PDE9A: variants seen among roughly 807,000 people sequenced by gnomAD.
The protein encoded by PDE9A is phosphodiesterase 9A, also known as high affinity cGMP-specific 3',5'-cyclic phosphodiesterase 9A.
PDE9A carries 60 observed loss-of-function variants against 87.4 expected under a neutral mutation model. That is an observed-to-expected ratio of 0.69 (90% CI 0.56 to 0.85). The LOEUF (loss-of-function observed/expected upper bound fraction) is 0.85. Among genes scored for constraint, PDE9A ranks in the 40% least tolerant of loss-of-function variants. PDE9A has a pLI of 0.00. For missense variants in PDE9A, 665 were observed against 779.0 expected (o/e 0.85, Z 1.74); for synonymous variants, 272 against 279.4 (o/e 0.97, Z 0.27).
chr21:42,665,411 C>T lies in PDE9A; in HGVS notation c.69+11528C>T, dbSNP rs530795392. On this transcript the variant is annotated intron_variant, in intron 1 of 19. Transcript: ENST00000291539. ...AGGGACTGGTTGGCTCTTAGAAGAC[C>T]GTTCAACCTGCCCTCTGGTCCTCCT... 2.6e-5 allele frequency among the ~76,000 whole-genome samples: 4 copies of T among 152,244 alleles called. No homozygotes were observed. The East Asian group carries it at 7.7e-4, about 29-fold the overall frequency.
At chr21:42,743,004 T>A (rs993420251) in intron 7 of PDE9A, among the ~76,000 whole-genome samples, 2 of 152,210 alleles carry the variant, frequency 1.3e-5, no homozygotes, top group Admixed American at 6.5e-5. Flanking sequence ...AAGAAGCAGG[T>A]CTGCTTTGGG....
chr21:42,754,447 G>A (rs1219976435), intron 10 of PDE9A, among the ~76,000 whole-genome samples: 1 of 152,222 alleles, frequency 6.6e-6, no homozygotes, highest in Non-Finnish European at 1.5e-5. Flanking sequence ...TCAAGGAAGG[G>A]GCTGCGGTCA....
chr21:42,748,610 G>A (rs561197111), intron 8 of PDE9A, among the ~76,000 whole-genome samples: 3 of 152,216 alleles, frequency 2.0e-5, no homozygotes, highest in Non-Finnish European at 4.4e-5. Flanking sequence ...GGTGCACACC[G>A]ATCATGACAA....
Position 42,689,558 on chromosome 21 carries a change from A to G in PDE9A, c.218+1564A>G, listed in dbSNP as rs1004482104. ...CAGAAACCAGCACCTTGTCCATGCC[A>G]GCTGGGTATCTGAGAGAAACTGCTT... is the stretch of plus-strand genomic sequence containing the variant. On this transcript the variant is annotated intron_variant, in intron 3 of 19. Transcript: ENST00000291539. 8 of 985,380 alleles carry G rather than the reference A, an allele frequency of 8.1e-6. No homozygotes were observed. The African/African-American group carries it at 1.4e-4, about 17-fold the overall frequency. 61.0% of individuals were successfully genotyped at this position (985,380 alleles called of 1,614,324 possible). A position where few individuals can be genotyped will look rare whatever the true frequency, so the allele number is the denominator to read the frequency against.
chr21:42,701,522 G>A (rs1380605006), intron 4 of PDE9A, among the ~76,000 whole-genome samples: 2 of 151,014 alleles, frequency 1.3e-5, no homozygotes, highest in African/African-American at 4.9e-5. Flanking sequence ...CGACAGCCTT[G>A]ACCTCCTAGG....
intron 1 of PDE9A, among the ~76,000 whole-genome samples, chr21:42,665,885 G>A (rs985632540): frequency 1.5e-4 from 23 of 152,180 alleles, no homozygotes; most frequent in African/African-American, 4.8e-4. Flanking sequence ...TGGCTCCACC[G>A]TCTATCCCTC....
rs566690952 is a variant in PDE9A, at chr21:42,750,523, G to C, written c.654-593G>C. Among the ~76,000 whole-genome samples the C allele has an allele frequency of 4.0e-4, 10 of 24,732 alleles. No individual in the cohort carries two copies. In the East Asian group the frequency reaches 0.032, roughly 78 times the overall value. 16.2% of individuals were successfully genotyped at this position (24,732 alleles called of 152,430 possible). A position where few individuals can be genotyped will look rare whatever the true frequency, so the allele number is the denominator to read the frequency against. ...AGATTTTTTAGAATGTTTTTCTTTT[G>C]AAAACAGCTTCTAAAAGAGAAGATA... is the stretch of plus-strand genomic sequence containing the variant. On this transcript the variant is annotated intron_variant, in intron 8 of 19. Coordinates refer to ENST00000291539, the MANE Select transcript of PDE9A (RefSeq NM_002606.3).
chr21:42,689,408 A>T, intron 3 of PDE9A: 1 of 355,702 alleles, frequency 2.8e-6, no homozygotes, highest in Non-Finnish European at 3.9e-6. Context: ...CAGAGACTCC[A>T]GTAAGCATCT....
intron 1 of PDE9A, among the ~76,000 whole-genome samples, chr21:42,655,786 A>AG (rs1405857749): frequency 6.6e-6 from 1 of 152,192 alleles, no homozygotes; most frequent in Admixed American, 6.5e-5. Flanking sequence ...TGGTGCAAAC[A>AG]GGGAGGCGCC....
intron 10 of PDE9A, 55 bp downstream of exon 10, chr21:42,754,119 G>A: frequency 6.7e-6 from 7 of 1,042,052 alleles, no homozygotes; most frequent in Non-Finnish European, 1.0e-5. Flanking sequence ...TCAGGATCTT[G>A]GACGCCAGTG....
chr21:42,762,346 T>G, intron 14 of PDE9A, 107 bp downstream of exon 14: 1 of 1,207,788 alleles, frequency 8.3e-7, no homozygotes, highest in Non-Finnish European at 1.2e-6. Context: ...GCCACAGCAG[T>G]GCCCTGGGGA....
chr21:42,670,733 CCA>C (rs1401140930), intron 1 of PDE9A, among the ~76,000 whole-genome samples: 1 of 147,674 alleles, frequency 6.8e-6, no homozygotes, highest in Admixed American at 6.7e-5. Context: ...TCACATACAC[CCA>C]CATTCACACA....
intron 10 of PDE9A, chr21:42,758,706 T>C (rs13052383): frequency 0.042 from 15,699 of 370,268 alleles, 481 homozygotes; most frequent in Middle Eastern, 0.077. Context: ...GTCCTAAGAA[T>C]TCTCCTTGAC....
In PDE9A at chr21:42,751,130, G is replaced by A. The variant is rs964555784; in HGVS notation, c.668G>A (p.Cys223Tyr). 1.9e-6 allele frequency: 3 copies of A among 1,609,516 alleles called. No homozygotes were observed. Among genetic ancestry groups the A allele is most frequent in the Admixed American group, 3.3e-5 (2 of 59,994 alleles). ...AARSSRTNCPCKYSFLDNHKK... is the reference protein window; with the variant it reads ...AARSSRTNCPYKYSFLDNHKK... ...CTTCTCTCTAGGACCAACTGCCCCT[G>A]TAAGTACAGTTTTTTGGATAACCAC... is the stretch of plus-strand genomic sequence containing the variant. The change falls in exon 9 of 20, where the codon TGT (cysteine) becomes TAT (tyrosine). Residue 223 changes from cysteine to tyrosine, a missense_variant. Transcript: ENST00000291539.
Position 42,765,351 on chromosome 21 carries a change from G to C in PDE9A, c.1243-30G>C, listed in dbSNP as rs202133464. Reference sequence around the variant, plus strand: ...CTGAATAATTGTTCAGACTATACCCGTGTTAACACGTTGTTCTCTCGCTAT... The same window carrying C: ...CTGAATAATTGTTCAGACTATACCCCTGTTAACACGTTGTTCTCTCGCTAT... On this transcript the variant is annotated intron_variant, in intron 14 of 19. Transcript: ENST00000291539. 6.1e-4 allele frequency: 797 copies of C among 1,298,282 alleles called. 1 individual carries two copies. The highest frequency in any genetic ancestry group is 1.0e-3 in the South Asian group (83 of 81,126). The allele number at this position is 1,298,282 out of a possible 1,614,324, so 80.4% of individuals were successfully genotyped here. A position where few individuals can be genotyped will look rare whatever the true frequency, so the allele number is the denominator to read the frequency against.
intron 1 of PDE9A, among the ~76,000 whole-genome samples, chr21:42,672,604 C>T (rs2058623314): frequency 6.6e-6 from 1 of 152,256 alleles, no homozygotes; most frequent in African/African-American, 2.4e-5. Context: ...GTGGAGGAAC[C>T]CACCTGGGGC....
intron 15 of PDE9A, among the ~76,000 whole-genome samples, chr21:42,766,083 C>G (rs1361092467): frequency 2.6e-5 from 4 of 152,242 alleles, no homozygotes; most frequent in Admixed American, 6.5e-5. Flanking sequence ...GAATCCAGCA[C>G]TTTGGGAGGC....
chr21:42,720,695 C>T (rs1332245065), intron 4 of PDE9A, among the ~76,000 whole-genome samples: 2 of 151,916 alleles, frequency 1.3e-5, no homozygotes, highest in Non-Finnish European at 2.9e-5. Context: ...TGTCACGCAG[C>T]CCCTGCAGGT....
intron 15 of PDE9A, 161 bp downstream of exon 15, chr21:42,765,655 A>G: frequency 1.6e-6 from 1 of 643,948 alleles, no homozygotes; most frequent in Non-Finnish European, 2.9e-6. Context: ...TTACTAGGAA[A>G]GTCCGGGCAG....
Sources: gnomAD v4.1 joint callset for allele counts (sites outside exome capture counted in the v4.1 genomes callset) on GRCh38, gnomAD v4.1.1 for gene constraint, MANE v1.5 for transcripts, NCBI Gene and HGNC (gene_info 2026-07-23, HGNC 2026-07-21) for gene names.